Variants in DLGAP1 observed in about 807,000 individuals in gnomAD.
DLGAP1 encodes DLG associated protein 1.
A neutral mutation model predicts 90.8 loss-of-function variants in DLGAP1; 11 were observed. That is an observed-to-expected ratio of 0.12 (90% CI 0.08 to 0.20). The LOEUF (loss-of-function observed/expected upper bound fraction) is 0.20. Among genes scored for constraint, DLGAP1 ranks in the 10% least tolerant of loss-of-function variants. The probability of loss-of-function intolerance (pLI) is 1.00; values close to 1 mark genes in which losing one functional copy is unlikely to be tolerated. For missense variants in DLGAP1, 1,050 were observed against 1,333.8 expected (o/e 0.79, Z 3.31); for synonymous variants, 558 against 540.7 (o/e 1.03, Z -0.44).
intron 5 of DLGAP1, among the ~76,000 whole-genome samples, chr18:3,792,642 G>A (rs1224477672): frequency 6.6e-6 from 1 of 152,166 alleles, no homozygotes; most frequent in Non-Finnish European, 1.5e-5. Context: ...CAGAAGGAAT[G>A]GGATGGTCCC....
intron 3 of DLGAP1, among the ~76,000 whole-genome samples, chr18:3,981,097 C>T (rs559496093): frequency 1.1e-4 from 17 of 152,120 alleles, no homozygotes; most frequent in South Asian, 1.0e-3. Context: ...CTTCAAAATG[C>T]GAGAGAATTT....
At chr18:3,530,424 C>G (rs1465141390) in intron 10 of DLGAP1, among the ~76,000 whole-genome samples, 1 of 151,262 alleles carries the variant, frequency 6.6e-6, no homozygotes, top group Non-Finnish European at 1.5e-5. Flanking sequence ...AAAAGAAAAC[C>G]AAAGAAAGGA....
intron 2 of DLGAP1, among the ~76,000 whole-genome samples, chr18:4,079,127 T>C (rs1164145950): frequency 6.6e-6 from 1 of 152,090 alleles, no homozygotes; most frequent in Non-Finnish European, 1.5e-5. Context: ...TAGCCCAGCA[T>C]AGATGGGGCA....
At chr18:3,750,508 T>C (rs374575081) in intron 5 of DLGAP1, among the ~76,000 whole-genome samples, 3 of 152,198 alleles carry the variant, frequency 2.0e-5, no homozygotes, top group African/African-American at 7.2e-5. Context: ...CTGGGTCGAA[T>C]GGTAGTTCCA....
chr18:4,430,324 G>A (rs927908270), intron 1 of DLGAP1, among the ~76,000 whole-genome samples: 2 of 152,052 alleles, frequency 1.3e-5, no homozygotes, highest in East Asian at 1.9e-4. Flanking sequence ...GCTAAAAAGC[G>A]ATATTCACTT....
intron 7 of DLGAP1, among the ~76,000 whole-genome samples, chr18:3,641,277 C>T (rs1429187300): frequency 6.6e-6 from 1 of 151,824 alleles, no homozygotes; most frequent in Non-Finnish European, 1.5e-5. Flanking sequence ...GCCGGGCGCA[C>T]TGGCTCATGC....
chr18:3,969,956 A>C (rs983718961), intron 3 of DLGAP1, among the ~76,000 whole-genome samples: 3 of 152,206 alleles, frequency 2.0e-5, no homozygotes, highest in Non-Finnish European at 4.4e-5. Flanking sequence ...GTGTGTTAAG[A>C]TGGAAAGCAC....
chr18:3,826,604 AGT>A (rs2067726926), intron 4 of DLGAP1, among the ~76,000 whole-genome samples: 1 of 152,128 alleles, frequency 6.6e-6, no homozygotes, highest in African/African-American at 2.4e-5. Context: ...AGGCCAGGTG[AGT>A]GGAGTGGAGT....
chr18:4,013,064 G>A (rs1041985567), intron 2 of DLGAP1, among the ~76,000 whole-genome samples: 1 of 152,022 alleles, frequency 6.6e-6, no homozygotes, highest in African/African-American at 2.4e-5. Context: ...AAAACTAATT[G>A]AGTAATATTA....
intron 5 of DLGAP1, among the ~76,000 whole-genome samples, chr18:3,792,548 C>A (rs1161742724): frequency 6.6e-6 from 1 of 152,128 alleles, no homozygotes; most frequent in Non-Finnish European, 1.5e-5. Flanking sequence ...TGACCTCTTA[C>A]TTCCCTTCTC....
rs139220132 is a variant in DLGAP1, at chr18:3,720,975, G to A, written c.1591+8160C>T. 2.9e-3 allele frequency among the ~76,000 whole-genome samples: 442 copies of A among 150,714 alleles called. 1 individual carries two copies. Among genetic ancestry groups the A allele is most frequent in the Admixed American group, 4.9e-3 (73 of 15,026 alleles). ...AGTTGAGAGGATTACTGGATTGCTC[G>A]AGCACAGGATGTTGAGGCTGCAGTG... On this transcript the variant is annotated intron_variant, in intron 7 of 12. Coordinates refer to ENST00000315677, the MANE Select transcript of DLGAP1 (RefSeq NM_004746.4).
intron 1 of DLGAP1, among the ~76,000 whole-genome samples, chr18:4,363,842 C>G (rs966144373): frequency 8.2e-5 from 12 of 145,674 alleles, no homozygotes; most frequent in African/African-American, 2.2e-4. Flanking sequence ...GTGGAAGTCA[C>G]TGTGGCGATT....
chr18:3,591,255 GA>G (rs915024953), intron 7 of DLGAP1, among the ~76,000 whole-genome samples: 1 of 151,328 alleles, frequency 6.6e-6, no homozygotes. Context: ...GAGGCCAAAA[GA>G]AAAAAAAGAA....
At chr18:3,676,830 C>G (rs1028961303) in intron 7 of DLGAP1, among the ~76,000 whole-genome samples, 2 of 152,124 alleles carry the variant, frequency 1.3e-5, no homozygotes, top group African/African-American at 4.8e-5. Flanking sequence ...AGGGTAGTCA[C>G]TGAAAACTCT....
chr18:4,120,290 G>A (rs956441795), intron 2 of DLGAP1, among the ~76,000 whole-genome samples: 4 of 152,138 alleles, frequency 2.6e-5, no homozygotes, highest in African/African-American at 9.7e-5. Context: ...ATTTCTACAG[G>A]TCATCAGATG....
chr18:3,809,594 C>T (rs1334691572), intron 5 of DLGAP1, among the ~76,000 whole-genome samples: 1 of 152,178 alleles, frequency 6.6e-6, no homozygotes, highest in Non-Finnish European at 1.5e-5. Context: ...ATCCTTCTCC[C>T]CAGTTTCAGA....
In DLGAP1 at chr18:3,580,164, C is replaced by T. The variant is rs73940042; in HGVS notation, c.1965+1711G>A. On this transcript the variant is annotated intron_variant, in intron 8 of 12. Coordinates refer to ENST00000315677, the MANE Select transcript of DLGAP1 (RefSeq NM_004746.4). ...GCTAATAATGTCTACAAAGAAAATA[C>T]TTTCAGAAACCCTGATTTGAGCCAG... 6,173 of 1,346,342 alleles carry T rather than the reference C, an allele frequency of 4.6e-3. 223 individuals are homozygous for T. The African/African-American group carries it at 0.076, about 17-fold the overall frequency. 83.4% of individuals were successfully genotyped at this position (1,346,342 alleles called of 1,614,324 possible).
chr18:3,551,617 CTT>C (rs1421632802), intron 9 of DLGAP1, among the ~76,000 whole-genome samples: 1 of 127,244 alleles, frequency 7.9e-6, no homozygotes, highest in African/African-American at 2.9e-5. Context: ...TTCTTTCTTT[CTT>C]TTTCTTTCTT....
chr18:3,564,680 C>A (rs1209804730), intron 9 of DLGAP1, among the ~76,000 whole-genome samples: 1 of 152,222 alleles, frequency 6.6e-6, no homozygotes, highest in Non-Finnish European at 1.5e-5. Flanking sequence ...GAGCTTTTAA[C>A]TCTCAGAGTT....
Sources: allele counts gnomAD v4.1 joint callset (sites outside exome capture counted in the v4.1 genomes callset), GRCh38; gene constraint gnomAD v4.1.1; transcripts MANE v1.5; gene names NCBI Gene and HGNC (gene_info 2026-07-23, HGNC 2026-07-21).